Variants in EXOC2 observed in about 807,000 individuals in gnomAD.
EXOC2 encodes SEC5-like 1.
A neutral mutation model predicts 131.8 loss-of-function variants in EXOC2; 70 were observed. The observed-to-expected ratio is 0.53, with a 90% CI of 0.44 to 0.65. The LOEUF is 0.65. Among genes scored for constraint, EXOC2 ranks in the 30% least tolerant of loss-of-function variants. The pLI is 0.00. For missense variants in EXOC2, 923 were observed against 1,108.6 expected, an observed-to-expected ratio of 0.83 and a Z score of 2.38; for synonymous variants, 411 against 398.4, an observed-to-expected ratio of 1.03 and a Z score of -0.38.
At chr6:488,527 T>C (rs1763227125) in intron 27 of EXOC2, among the ~76,000 whole-genome samples, 1 of 152,164 alleles carries the variant, frequency 6.6e-6, no homozygotes, top group Non-Finnish European at 1.5e-5. Flanking sequence ...ACATCTACTT[T>C]CATAACATTT....
chr6:486,767 G>A lies in EXOC2; in HGVS notation c.2682-3C>T, dbSNP rs780931461. On this transcript the variant is annotated splice_polypyrimidine_tract_variant and splice_region_variant and intron_variant, in intron 27 of 27. Coordinates refer to ENST00000230449, the MANE Select transcript of EXOC2 (RefSeq NM_018303.6). ...TGTTCAGGAGCTCTTCCAGTAACCTGCAGGACGGAGACACTTGTTTTACAG... is the reference window on the plus strand; with the variant it reads ...TGTTCAGGAGCTCTTCCAGTAACCTACAGGACGGAGACACTTGTTTTACAG... 1 of 1,612,890 alleles carries A rather than the reference G, an allele frequency of 6.2e-7. No individual in the cohort carries two copies. Among genetic ancestry groups the A allele is most frequent in the Non-Finnish European group, 8.5e-7 (1 of 1,179,058 alleles).
intron 17 of EXOC2, among the ~76,000 whole-genome samples, chr6:558,404 A>G (rs1757532014): frequency 6.6e-6 from 1 of 152,210 alleles, no homozygotes. Flanking sequence ...TAGGTTACTG[A>G]CCTTACTCAT....
rs1294983506 is a variant in EXOC2 at position 576,754 on chromosome 6, T to C, written c.1318+3A>G. On this transcript the variant is annotated splice_donor_region_variant and intron_variant, in intron 12 of 27. Transcript: ENST00000230449. ...CCCAGTGGCAGTGGAGGGAGATACT[T>C]ACTGTCGTCTCGACCAGACTGAAAG... is the stretch of plus-strand genomic sequence containing the variant. 3.1e-6 allele frequency: 5 copies of C among 1,613,150 alleles called. No homozygotes were observed. The highest frequency in any genetic ancestry group is 4.2e-6 in the Non-Finnish European group (5 of 1,179,602).
intron 1 of EXOC2, among the ~76,000 whole-genome samples, chr6:665,567 G>GGT (rs1249433782): frequency 1.3e-5 from 2 of 152,016 alleles, no homozygotes; most frequent in African/African-American, 2.4e-5. Flanking sequence ...AAGAAACTGT[G>GGT]GTATATATAT....
At chr6:684,668 A>T (rs1168034504) in intron 1 of EXOC2, among the ~76,000 whole-genome samples, 1 of 152,204 alleles carries the variant, frequency 6.6e-6, no homozygotes, top group Non-Finnish European at 1.5e-5. Flanking sequence ...TTAATTTCTC[A>T]AATTAAAACT....
chr6:636,109 C>A (rs946767691), intron 2 of EXOC2, among the ~76,000 whole-genome samples: 2 of 152,188 alleles, frequency 1.3e-5, no homozygotes, highest in African/African-American at 4.8e-5. Context: ...CACGCTTAGT[C>A]AAGTAAGAAT....
At chr6:522,842 C>T (rs1252379383) in intron 23 of EXOC2, among the ~76,000 whole-genome samples, 1 of 152,220 alleles carries the variant, frequency 6.6e-6, no homozygotes, top group East Asian at 1.9e-4. Context: ...TGAGGACTAG[C>T]AATGGCCCAG....
rs145957570 is a variant in EXOC2 at position 511,166 on chromosome 6, G to A, written c.2381-11466C>T. Among the ~76,000 whole-genome samples the A allele has an allele frequency of 4.7e-3, 722 of 152,312 alleles. 7 individuals carry two copies. Among genetic ancestry groups the A allele is most frequent in the African/African-American group, 0.016 (683 of 41,570 alleles). On this transcript the variant is annotated intron_variant, in intron 23 of 27. Coordinates refer to ENST00000230449, the MANE Select transcript of EXOC2 (RefSeq NM_018303.6). ...CTGGGAAGGGTTCCTGCCATGGCCT[G>A]GCACGCAAGATGGTGCAAAATGCCA... is the stretch of plus-strand genomic sequence containing the variant.
At chr6:627,623 C>T (rs563454643) in intron 4 of EXOC2, among the ~76,000 whole-genome samples, 24 of 152,312 alleles carry the variant, frequency 1.6e-4, no homozygotes, top group Non-Finnish European at 2.4e-4. Context: ...CTGGCTCCTC[C>T]GAGACGGAGT....
intron 22 of EXOC2, among the ~76,000 whole-genome samples, chr6:541,150 T>C (rs1408294045): frequency 6.6e-6 from 1 of 152,180 alleles, no homozygotes; most frequent in Non-Finnish European, 1.5e-5. Context: ...ACAATGATGT[T>C]AGAAATCTCT....
At chr6:521,323 C>T (rs1765458332) in intron 23 of EXOC2, among the ~76,000 whole-genome samples, 2 of 152,090 alleles carry the variant, frequency 1.3e-5, no homozygotes, top group African/African-American at 4.8e-5. Context: ...TGAAAACCAC[C>T]ACGCACTGAG....
intron 7 of EXOC2, among the ~76,000 whole-genome samples, chr6:602,650 G>A (rs1410264610): frequency 6.6e-6 from 1 of 152,212 alleles, no homozygotes; most frequent in Non-Finnish European, 1.5e-5. Context: ...CCAGCCTTGG[G>A]CAAACCAAGG....
chr6:575,584 G>A (rs1044350487), intron 12 of EXOC2, among the ~76,000 whole-genome samples: 1 of 151,840 alleles, frequency 6.6e-6, no homozygotes, highest in African/African-American at 2.4e-5. Context: ...ATGACTGGAA[G>A]CTTCCTGAGG....
Position 528,050 on chromosome 6 carries a change from T to G in EXOC2, c.2380+4419A>C, listed in dbSNP as rs368488431. Among the ~76,000 whole-genome samples the G allele has an allele frequency of 5.3e-5, 8 of 152,334 alleles. No individual in the cohort carries two copies. In the East Asian group the frequency reaches 1.5e-3, roughly 29 times the overall value. On this transcript the variant is annotated intron_variant, in intron 23 of 27. Transcript: ENST00000230449. ...TGCAGATAACAGAACAATTAAAATC[T>G]TAACAGCAGTTTTGTGACTCAGAAC...
chr6:642,000 C>T (rs1226824421), intron 1 of EXOC2, among the ~76,000 whole-genome samples: 1 of 152,146 alleles, frequency 6.6e-6, no homozygotes. Context: ...CCGTTCAAAG[C>T]CTGTCACAGC....
At chr6:518,891 G>A (rs1204488174) in intron 23 of EXOC2, among the ~76,000 whole-genome samples, 2 of 152,188 alleles carry the variant, frequency 1.3e-5, no homozygotes, top group African/African-American at 4.8e-5. Context: ...CCTAGGGATT[G>A]ATAGTTTTCC....
At chr6:630,876 A>G (rs920043208) in intron 3 of EXOC2, among the ~76,000 whole-genome samples, 2 of 152,244 alleles carry the variant, frequency 1.3e-5, no homozygotes, top group African/African-American at 4.8e-5. Flanking sequence ...AATGGAAATA[A>G]CCAGGTTATT....
intron 11 of EXOC2, among the ~76,000 whole-genome samples, chr6:590,117 A>G (rs1292887417): frequency 4.1e-4 from 7 of 17,264 alleles, no homozygotes; most frequent in Non-Finnish European, 3.2e-3. Flanking sequence ...TCTGTCTGGA[A>G]AAAAAAAAAA....
intron 11 of EXOC2, among the ~76,000 whole-genome samples, chr6:586,257 C>T (rs932276653): frequency 3.9e-5 from 6 of 152,126 alleles, no homozygotes; most frequent in African/African-American, 9.7e-5. Flanking sequence ...AGGTGGCATC[C>T]GCTGCAGGCT....
Sources: allele counts gnomAD v4.1 joint callset (sites outside exome capture counted in the v4.1 genomes callset), GRCh38; gene constraint gnomAD v4.1.1; transcripts MANE v1.5; gene names NCBI Gene and HGNC (gene_info 2026-07-23, HGNC 2026-07-21).